Variants in GYS1 observed in about 807,000 individuals in gnomAD.
GYS1 encodes the protein glycogen synthase 1.
A neutral mutation model predicts 89.1 loss-of-function variants in GYS1; 60 were observed. The ratio of observed to expected loss-of-function variants is 0.67; its 90% CI spans 0.55 to 0.84. The LOEUF is 0.84. Among genes scored for constraint, GYS1 ranks in the 40% least tolerant of loss-of-function variants. GYS1 has a pLI of 0.00. For synonymous variants in GYS1, 366 were observed against 401.7 expected (o/e 0.91, Z 1.06); for missense variants, 888 against 1,003.1 (o/e 0.89, Z 1.55).
intron 5 of GYS1, among the ~76,000 whole-genome samples, chr19:48,984,664 GATTAC>G (rs572496566): frequency 3.9e-4 from 59 of 152,228 alleles, no homozygotes; most frequent in African/African-American, 1.4e-3. Context: ...AAAGTGTTGG[GATTAC>G]AGGTGTGAGC....
chr19:48,980,433 C>A (rs1460827363), intron 8 of GYS1, among the ~76,000 whole-genome samples: 1 of 152,148 alleles, frequency 6.6e-6, no homozygotes, highest in Non-Finnish European at 1.5e-5. Flanking sequence ...GAGGGCAGGT[C>A]ACTTGAGGTC....
At position 48,969,373 on chromosome 19, in the gene GYS1, G is replaced by A; in HGVS notation, c.2129C>T (p.Ser710Phe). Reference protein sequence around the residue: ...TSSTSGSKRNSVDTATSSSLS... With the variant: ...TSSTSGSKRNFVDTATSSSLS... ...TGAGCTGGAGGTGGCCGTGTCCACA[G>A]AGTTGCGCTTGCTGCCGCTGGTGGA... The change falls in exon 16 of 16, where the codon TCT becomes TTT. Residue 710 changes from serine to phenylalanine, a missense_variant. Coordinates refer to ENST00000323798, the MANE Select transcript of GYS1 (RefSeq NM_002103.5). 3 of 1,578,990 alleles carry A rather than the reference G, an allele frequency of 1.9e-6. No individual in the cohort carries two copies. Among genetic ancestry groups the A allele is most frequent in the South Asian group, 1.1e-5 (1 of 87,060 alleles).
intron 2 of GYS1, among the ~76,000 whole-genome samples, chr19:48,990,001 G>GGGGT (rs1555800125): frequency 8.0e-6 from 1 of 125,622 alleles, no homozygotes; most frequent in African/African-American, 3.1e-5. Flanking sequence ...CTTTTGCTGG[G>GGGGT]GGGGGGGGGG....
chr19:48,986,309 G>A (rs2038842950), intron 3 of GYS1, among the ~76,000 whole-genome samples: 1 of 151,994 alleles, frequency 6.6e-6, no homozygotes, highest in Non-Finnish European at 1.5e-5. Context: ...TCCTGGCAGG[G>A]TTAGATTGGA....
intron 8 of GYS1, among the ~76,000 whole-genome samples, chr19:48,978,530 T>TTTTTTATTATTATTATTATTATTA (rs144353363): frequency 2.0e-5 from 3 of 146,650 alleles, no homozygotes; most frequent in African/African-American, 7.6e-5. Context: ...CAGCAGTTTA[T>TTTTTTATTATTATTATTATTATTA]TTATTATTAT....
At chr19:48,989,547 CTGAG>C (rs2038891055) in intron 2 of GYS1, among the ~76,000 whole-genome samples, 1 of 151,878 alleles carries the variant, frequency 6.6e-6, no homozygotes, top group African/African-American at 2.4e-5. Context: ...CCTCAGCCTC[CTGAG>C]TAACTGGGAT....
Position 48,991,646 on chromosome 19 carries a change from T to C in GYS1, c.119-163A>G, listed in dbSNP as rs187515030. On this transcript the variant is annotated intron_variant, in intron 1 of 15. Transcript: ENST00000323798. This position sits in a 1 kb window ranked among gnomAD's most constrained non-coding sequence, Gnocchi z 4.7. ...TAGTTTGGAGTAGGGGTTGGAAGCT[T>C]GGATGAGGGGAACACGAGGGCTGGA... The C allele has an allele frequency of 5.6e-6, 4 of 713,676 alleles. No individual in the cohort carries two copies. The highest frequency in any genetic ancestry group is 3.4e-5 in the South Asian group (2 of 58,472). 44.2% of individuals were successfully genotyped at this position (713,676 alleles called of 1,614,324 possible).
rs2038687849 is a variant in GYS1, at chr19:48,978,046, GAGGGGTTAGTC to G, written c.1229+41_1230-45del. ...CATGCATGTGAGAACGGAGTAATGA[GAGGGGTTAGTC>G]AGGGCCTAGGAGGGCACAGGGCTGA... On this transcript the variant is annotated intron_variant, in intron 9 of 15. Transcript: ENST00000323798. 9.3e-6 allele frequency: 15 copies of G among 1,608,326 alleles called. No individual in the cohort carries two copies. In the East Asian group the frequency reaches 3.3e-4, roughly 36 times the overall value.
At chr19:48,989,538 C>G (rs2038890825) in intron 2 of GYS1, among the ~76,000 whole-genome samples, 1 of 151,744 alleles carries the variant, frequency 6.6e-6, no homozygotes, top group Admixed American at 6.6e-5. Flanking sequence ...ATCCTCCCAC[C>G]TCAGCCTCCT....
rs762727331 is a variant in GYS1, at chr19:48,991,539, CTGGGG to C, written c.119-61_119-57del. 2.8e-6 allele frequency: 3 copies of C among 1,074,174 alleles called. No individual in the cohort carries two copies. The highest frequency in any genetic ancestry group is 3.2e-5 in the African/African-American group (2 of 63,058). The allele number at this position is 1,074,174 out of a possible 1,614,324, so 66.5% of individuals were successfully genotyped here. On this transcript the variant is annotated intron_variant, in intron 1 of 15. Transcript: ENST00000323798. The surrounding 1 kb of genome is among the most constrained non-coding windows in gnomAD (Gnocchi z 4.7). ...CGGCCGAGGTCCATAGTTCTGGGGCCTGGGGTGGGGTGGGCCGGGGATGTAGGGGG... is the reference window on the plus strand; with the variant it reads ...CGGCCGAGGTCCATAGTTCTGGGGCCTGGGGTGGGCCGGGGATGTAGGGGG...
chr19:48,985,142 C>T (rs1174731375), intron 5 of GYS1, among the ~76,000 whole-genome samples: 1 of 152,116 alleles, frequency 6.6e-6, no homozygotes, highest in Non-Finnish European at 1.5e-5. Context: ...CCCTTGACCT[C>T]CTAGGCTCGA....
At position 48,970,984 on chromosome 19, in the gene GYS1, T is replaced by C. The variant is rs374401394; in HGVS notation, c.1589A>G (p.Asn530Ser). ...CATGAAGCAGCCGAAGCCGGAGAGATTGGTGGAGATACTGGGGATTCCCAT... is the reference window on the plus strand; with the variant it reads ...CATGAAGCAGCCGAAGCCGGAGAGACTGGTGGAGATACTGGGGATTCCCAT... ...TVMGIPSIST[N>S]LSGFGCFMEE... The change falls in exon 13 of 16, where the codon AAT becomes AGT. Residue 530 changes from asparagine to serine, a missense_variant. Physicochemically the swap from Asn to Ser is conservative, Grantham distance 46 (BLOSUM62 1). Coordinates refer to ENST00000323798, the MANE Select transcript of GYS1 (RefSeq NM_002103.5). 1.2e-5 allele frequency: 19 copies of C among 1,613,760 alleles called. No homozygotes were observed. The highest frequency in any genetic ancestry group is 4.0e-5 in the African/African-American group (3 of 74,832).
chr19:48,974,568 C>G lies in GYS1; in HGVS notation c.1422+52G>C, dbSNP rs2038614938. On this transcript the variant is annotated intron_variant, in intron 11 of 15. Transcript: ENST00000323798. ...GAATGGAGTGTGTGAGGCCCAGGAC[C>G]CAACCCCTTCCCTCTGCCGTGCCCA... is the stretch of plus-strand genomic sequence containing the variant. The G allele has an allele frequency of 5.6e-6, 7 of 1,254,578 alleles. No homozygotes were observed. In the East Asian group the frequency reaches 9.3e-5, roughly 17 times the overall value. 77.7% of individuals were successfully genotyped at this position (1,254,578 alleles called of 1,614,324 possible).
At chr19:48,983,976 C>T (rs2038803504) in intron 5 of GYS1, among the ~76,000 whole-genome samples, 1 of 152,186 alleles carries the variant, frequency 6.6e-6, no homozygotes, top group South Asian at 2.1e-4. Context: ...TGGTCCCCAG[C>T]TTAGGACTTA....
At position 48,968,882 on chromosome 19, in the gene GYS1, C is replaced by T. The variant is rs767680063; in HGVS notation, c.*406G>A. Reference sequence around the variant, plus strand: ...TTCCAGAACTTGGTGGCCCGCATGCCGGGCCTGAGCGTGGCCTGCTCTGTA... The same window carrying T: ...TTCCAGAACTTGGTGGCCCGCATGCTGGGCCTGAGCGTGGCCTGCTCTGTA... On this transcript the variant is annotated 3_prime_UTR_variant, in exon 16 of 16. Transcript: ENST00000323798. The T allele has an allele frequency of 6.4e-5, 30 of 471,358 alleles. No individual in the cohort carries two copies. Among genetic ancestry groups the T allele is most frequent in the African/African-American group, 5.3e-4 (27 of 50,864 alleles). 29.2% of individuals were successfully genotyped at this position (471,358 alleles called of 1,614,324 possible). A position where few individuals can be genotyped will look rare whatever the true frequency, so the allele number is the denominator to read the frequency against.
Position 48,991,348 on chromosome 19 carries a change from G to C in GYS1, c.254C>G (p.Pro85Arg). 1 of 1,614,038 alleles carries C rather than the reference G, an allele frequency of 6.2e-7. No homozygotes were observed. The highest frequency in any genetic ancestry group is 2.2e-5 in the East Asian group (1 of 44,882). ...TQVELLEAPT[P>R]ALKRTLDSMN... ...GGAATCCAGTGTCCTCTTCAGGGCC[G>C]GGGTGGGGGCCTCCAGCAGTTCCAC... Residue 85 changes from proline to arginine, a missense_variant, in exon 2 of 16, where the codon CCG becomes CGG. Physicochemically the swap from Pro to Arg is moderately radical, Grantham distance 103. Coordinates refer to ENST00000323798, the MANE Select transcript of GYS1 (RefSeq NM_002103.5). The surrounding 1 kb of genome is among the most constrained non-coding windows in gnomAD (Gnocchi z 4.7).
intron 2 of GYS1, among the ~76,000 whole-genome samples, chr19:48,988,014 G>T (rs2038868325): frequency 1.3e-5 from 2 of 152,304 alleles, no homozygotes; most frequent in Non-Finnish European, 2.9e-5. Flanking sequence ...GTGTTAGCCA[G>T]GATGATCTCC....
At chr19:48,978,335 C>T in intron 8 of GYS1, 178 bp from the exon 9 acceptor site, 1 of 636,306 alleles carries the variant, frequency 1.6e-6, no homozygotes, top group Non-Finnish European at 2.9e-6. Context: ...AAGCAATTCT[C>T]CTGCCTCAGC....
chr19:48,969,981 CATCT>C lies in GYS1; in HGVS notation c.1810-130_1810-127del, dbSNP rs2038532231. The C allele has an allele frequency of 3.1e-5, 21 of 688,156 alleles. No individual in the cohort carries two copies. The South Asian group carries it at 3.1e-4, about 10-fold the overall frequency. The allele number at this position is 688,156 out of a possible 1,614,324, so 42.6% of individuals were successfully genotyped here. A position where few individuals can be genotyped will look rare whatever the true frequency, so the allele number is the denominator to read the frequency against. On this transcript the variant is annotated intron_variant, in intron 14 of 15. Transcript: ENST00000323798. ...ACTGCTGCACCCCATACAAATAATC[CATCT>C]ATCTGACTCCACCCCTTATGTAGAT...
Sources: gnomAD v4.1 joint callset for allele counts (sites outside exome capture counted in the v4.1 genomes callset) on GRCh38, gnomAD v4.1.1 for gene constraint, Gnocchi (gnomAD v3.1) non-coding constraint, MANE v1.5 for transcripts, NCBI Gene and HGNC (gene_info 2026-07-23, HGNC 2026-07-21) for gene names.